Variants in UNC93A observed in about 807,000 individuals in gnomAD.
The protein encoded by UNC93A is unc-93 homolog A, also known as N-acetylglucosamine transporter UNC93A.
A neutral mutation model predicts 47.5 loss-of-function variants in UNC93A; 43 were observed. That is an observed-to-expected ratio of 0.91 (90% CI 0.71 to 1.17). The LOEUF (loss-of-function observed/expected upper bound fraction) is 1.17. Ranked by LOEUF, UNC93A falls within the 50% of genes most tolerant of loss-of-function variation. UNC93A has a pLI of 0.00. For missense variants in UNC93A, 605 were observed against 577.6 expected (o/e 1.05, Z -0.49); for synonymous variants, 280 against 258.0 (o/e 1.09, Z -0.82).
intron 7 of UNC93A, among the ~76,000 whole-genome samples, chr6:167,308,665 T>G (rs1160738694): frequency 1.2e-4 from 17 of 140,880 alleles, no homozygotes; most frequent in African/African-American, 2.5e-4. Flanking sequence ...AGGAGTGGGG[T>G]GGAGTGGCAA....
At chr6:167,292,130 G>A (rs1046448865) in intron 1 of UNC93A, among the ~76,000 whole-genome samples, 1 of 152,150 alleles carries the variant, frequency 6.6e-6, no homozygotes, top group African/African-American at 2.4e-5. Context: ...CATTCATCAT[G>A]TGCACCTAGA....
chr6:167,304,381 G>T (rs1410671985), intron 5 of UNC93A, among the ~76,000 whole-genome samples: 1 of 152,200 alleles, frequency 6.6e-6, no homozygotes, highest in East Asian at 1.9e-4. Context: ...TGCTTGATCC[G>T]TGTCTTCCTG....
chr6:167,302,022 C>A (rs1778254112), intron 4 of UNC93A, among the ~76,000 whole-genome samples: 1 of 152,136 alleles, frequency 6.6e-6, no homozygotes, highest in African/African-American at 2.4e-5. Context: ...TCATGAGAAT[C>A]TTGAGTTATG....
chr6:167,312,673 ATG>A (rs1778593637), intron 7 of UNC93A, among the ~76,000 whole-genome samples: 1 of 152,178 alleles, frequency 6.6e-6, no homozygotes. Flanking sequence ...CTGCTTCCTT[ATG>A]TGTTCAATCT....
intron 1 of UNC93A, among the ~76,000 whole-genome samples, chr6:167,293,086 C>G (rs779628202): frequency 2.6e-5 from 4 of 152,182 alleles, no homozygotes; most frequent in African/African-American, 4.8e-5. Context: ...GGACCCAAGG[C>G]TGTGGGCAAA....
At chr6:167,306,190 T>C in intron 6 of UNC93A, 140 bp downstream of exon 6, 1 of 1,215,610 alleles carries the variant, frequency 8.2e-7, no homozygotes, top group East Asian at 2.6e-5. Context: ...ATGCATTCAT[T>C]CTTTCAGTCC....
chr6:167,315,732 T>G lies in UNC93A; in HGVS notation c.*280T>G. 3.2e-6 allele frequency: 1 copy of G among 317,270 alleles called. No individual in the cohort carries two copies. The highest frequency in any genetic ancestry group is 5.6e-6 in the Non-Finnish European group (1 of 178,028). 19.7% of individuals were successfully genotyped at this position (317,270 alleles called of 1,614,324 possible). On this transcript the variant is annotated 3_prime_UTR_variant, in exon 8 of 8. Coordinates refer to ENST00000230256, the MANE Select transcript of UNC93A (RefSeq NM_018974.4). ...TAACGTACAATCAGCCAATTAGAATTTGCCTGAAATCATAGACTCACCCTA... is the reference window on the plus strand; with the variant it reads ...TAACGTACAATCAGCCAATTAGAATGTGCCTGAAATCATAGACTCACCCTA...
rs1475021848 is a variant in UNC93A at position 167,298,076 on chromosome 6, A to G, written c.625+6A>G. 6.2e-7 allele frequency: 1 copy of G among 1,613,224 alleles called. No homozygotes were observed. Among genetic ancestry groups the G allele is most frequent in the African/African-American group, 1.3e-5 (1 of 74,870 alleles). ...CCTCCTGGGCATCTACACTGGTACG[A>G]GCTCCATCGGCCCAGGGCAGGGTCC... is the stretch of plus-strand genomic sequence containing the variant. On this transcript the variant is annotated splice_donor_region_variant and intron_variant, in intron 4 of 7. Coordinates refer to ENST00000230256, the MANE Select transcript of UNC93A (RefSeq NM_018974.4).
chr6:167,295,428 ATCCTCGGCCTCCCTCGTGC>A (rs1583075018), intron 2 of UNC93A, among the ~76,000 whole-genome samples: 17 of 70,290 alleles, frequency 2.4e-4, no homozygotes, highest in Admixed American at 9.5e-4. Flanking sequence ...CTCCCTCGTG[ATCCTCGGCCTCCCTCGTGC>A]TCCTCGCCTC....
intron 1 of UNC93A, among the ~76,000 whole-genome samples, chr6:167,284,111 C>G (rs1783680256): frequency 6.6e-6 from 1 of 152,162 alleles, no homozygotes; most frequent in Admixed American, 6.5e-5. Context: ...CTGGCTTCTG[C>G]TCACTTCTGG....
chr6:167,273,016 T>C (rs12525972), intron 1 of UNC93A, among the ~76,000 whole-genome samples: 55,228 of 151,708 alleles, frequency 0.36, 10,247 homozygotes, highest in South Asian at 0.42. Flanking sequence ...TGGGGGGCCA[T>C]AGAATTGTAT....
At chr6:167,269,336 G>A (rs539029551), upstream of UNC93A, among the ~76,000 whole-genome samples, 3 of 152,346 alleles carry the variant, frequency 2.0e-5, no homozygotes, top group Admixed American at 6.5e-5. Flanking sequence ...TTTGTGTAGT[G>A]CCTCACTGTT....
upstream of UNC93A, among the ~76,000 whole-genome samples, chr6:167,270,844 C>T (rs1269032074): frequency 6.6e-6 from 1 of 152,154 alleles, no homozygotes; most frequent in Non-Finnish European, 1.5e-5. Flanking sequence ...GCAGAGGGAG[C>T]CTGGCCCGGC....
At chr6:167,309,194 C>T (rs1778488162) in intron 7 of UNC93A, among the ~76,000 whole-genome samples, 1 of 152,224 alleles carries the variant, frequency 6.6e-6, no homozygotes, top group South Asian at 2.1e-4. Context: ...CCACTGCACT[C>T]ATGCCAGGCT....
At chr6:167,278,643 G>T (rs1007369901) in intron 1 of UNC93A, among the ~76,000 whole-genome samples, 2 of 152,138 alleles carry the variant, frequency 1.3e-5, no homozygotes, top group African/African-American at 4.8e-5. Flanking sequence ...ACTTAGACAA[G>T]TTCCCCTGAA....
intron 1 of UNC93A, 57 bp downstream of exon 1, chr6:167,291,633 G>A: frequency 6.7e-7 from 1 of 1,495,024 alleles, no homozygotes. Flanking sequence ...GAATCCCTGT[G>A]GTCACAGACA....
chr6:167,304,533 C>A (rs1345985549), intron 5 of UNC93A, among the ~76,000 whole-genome samples: 2 of 151,274 alleles, frequency 1.3e-5, no homozygotes, highest in African/African-American at 4.9e-5. Context: ...CCATGAATAC[C>A]ACCAAAATTT....
chr6:167,294,225 G>C (rs1777984074), intron 1 of UNC93A, among the ~76,000 whole-genome samples: 1 of 152,182 alleles, frequency 6.6e-6, no homozygotes, highest in Non-Finnish European at 1.5e-5. Flanking sequence ...GATTCAGGCA[G>C]GTGTCCACAG....
Position 167,305,995 on chromosome 6 carries a change from CG to C in UNC93A, c.922del (p.Val308CysfsTer21). The C allele has an allele frequency of 6.2e-7, 1 of 1,614,166 alleles. No homozygotes were observed. The highest frequency in any genetic ancestry group is 8.5e-7 in the Non-Finnish European group (1 of 1,180,036). On this transcript the variant is annotated frameshift_variant, in exon 6 of 8. Transcript: ENST00000230256. LOFTEE classifies it high-confidence loss of function. The stretch of plus-strand genomic sequence containing the variant: ...TCTCGGCCACTGACGCGCTGTGCTC[CG>C]TGTTGTATGGAAAGGTCTCGCAGTA... ...CFSATDALCS[V>X]LYGKVSQYTG...
Sources: gnomAD v4.1 joint callset for allele counts (sites outside exome capture counted in the v4.1 genomes callset) on GRCh38, gnomAD v4.1.1 for gene constraint, MANE v1.5 for transcripts, NCBI Gene and HGNC (gene_info 2026-07-23, HGNC 2026-07-21) for gene names.